ZNF385D: variants seen among roughly 807,000 people sequenced by gnomAD.
ZNF385D encodes the protein zinc finger protein 385D, also known as zinc finger protein 659.
Under a neutral mutation model 35.8 loss-of-function variants are expected in ZNF385D, and 15 were observed. That is an observed-to-expected ratio of 0.42 (90% CI 0.28 to 0.64). ZNF385D has a LOEUF of 0.64. ZNF385D is among the 30% of genes least tolerant of loss of function. The pLI, the probability that ZNF385D is intolerant of heterozygous loss-of-function variation, is 0.23. For synonymous variants in ZNF385D, 212 were observed against 186.8 expected (o/e 1.13, Z -1.10); for missense variants, 474 against 494.6 (o/e 0.96, Z 0.39).
chr3:22,104,466 C>A (rs1381083687), intron 3 of ZNF385D, among the ~76,000 whole-genome samples: 1 of 152,076 alleles, frequency 6.6e-6, no homozygotes, highest in Non-Finnish European at 1.5e-5. Flanking sequence ...TTTTTAAATC[C>A]AGCTATTTCT....
rs564306131 is a variant in ZNF385D at position 22,256,729 on chromosome 3, T to C, written c.107-87694A>G. ...CAAAATTTTCAGGTGCCATCTTTAT[T>C]ATATATGTACTCATTCTACTAATAT... On this transcript the variant is annotated intron_variant, in intron 2 of 5. Transcript: ENST00000494108. 1.6e-4 allele frequency among the ~76,000 whole-genome samples: 25 copies of C among 152,062 alleles called. No homozygotes were observed. In the East Asian group the frequency reaches 4.5e-3, roughly 27 times the overall value.
At chr3:22,174,244 C>T (rs1694667015) in intron 2 of ZNF385D, among the ~76,000 whole-genome samples, 1 of 152,150 alleles carries the variant, frequency 6.6e-6, no homozygotes, top group Non-Finnish European at 1.5e-5. Context: ...TGTTTTATCT[C>T]AACTTTAACA....
chr3:21,650,032 C>A (rs1045028202), intron 2 of ZNF385D, among the ~76,000 whole-genome samples: 1 of 150,010 alleles, frequency 6.7e-6, no homozygotes, highest in African/African-American at 2.5e-5. Flanking sequence ...GAAATGGAAA[C>A]AAACAGTGAA....
chr3:21,859,850 G>T (rs1446923029), intron 3 of ZNF385D, among the ~76,000 whole-genome samples: 2 of 151,480 alleles, frequency 1.3e-5, no homozygotes, highest in African/African-American at 4.8e-5. Flanking sequence ...AAGTGTAATT[G>T]TGTATTCAAA....
chr3:21,652,563 T>C (rs999180762), intron 2 of ZNF385D, among the ~76,000 whole-genome samples: 1 of 152,232 alleles, frequency 6.6e-6, no homozygotes, highest in Admixed American at 6.5e-5. Context: ...CATGTTGGTG[T>C]GCTACACCCA....
At chr3:21,792,553 G>C (rs866608207) in intron 3 of ZNF385D, among the ~76,000 whole-genome samples, 1 of 152,278 alleles carries the variant, frequency 6.6e-6, no homozygotes. Flanking sequence ...TTTAGAGAAA[G>C]AATCTTTACA....
chr3:22,028,435 T>A (rs2125471412), intron 3 of ZNF385D, among the ~76,000 whole-genome samples: 1 of 152,290 alleles, frequency 6.6e-6, no homozygotes, highest in Non-Finnish European at 1.5e-5. Flanking sequence ...TTATGGCCAC[T>A]GCTGGATGCC....
intron 3 of ZNF385D, among the ~76,000 whole-genome samples, chr3:21,862,646 TAGAG>T (rs1697120213): frequency 6.6e-6 from 1 of 152,102 alleles, no homozygotes; most frequent in Non-Finnish European, 1.5e-5. Flanking sequence ...CTAACTGAAT[TAGAG>T]AGAACCAATG....
intron 3 of ZNF385D, among the ~76,000 whole-genome samples, chr3:21,841,434 A>AT (rs1432653586): frequency 2.8e-5 from 4 of 143,308 alleles, no homozygotes; most frequent in Non-Finnish European, 4.7e-5. Context: ...AGAACATTTC[A>AT]TTTTAAAAAA....
At chr3:21,796,623 G>A (rs2072165046) in intron 3 of ZNF385D, among the ~76,000 whole-genome samples, 1 of 152,114 alleles carries the variant, frequency 6.6e-6, no homozygotes. Context: ...AACTAAAGGT[G>A]GATCACAGAC....
intron 2 of ZNF385D, among the ~76,000 whole-genome samples, chr3:21,614,908 G>T (rs1437186682): frequency 6.6e-6 from 1 of 152,118 alleles, no homozygotes; most frequent in Non-Finnish European, 1.5e-5. Flanking sequence ...GTTTTATCAG[G>T]TGCAGATAGG....
intron 2 of ZNF385D, among the ~76,000 whole-genome samples, chr3:22,344,639 C>T (rs1695575407): frequency 6.6e-6 from 1 of 152,048 alleles, no homozygotes; most frequent in Non-Finnish European, 1.5e-5. Flanking sequence ...TCAGGCTTGT[C>T]TCAAACTCCT....
At chr3:21,735,851 A>G (rs1476772326) in intron 1 of ZNF385D, among the ~76,000 whole-genome samples, 1 of 152,194 alleles carries the variant, frequency 6.6e-6, no homozygotes, top group Non-Finnish European at 1.5e-5. Flanking sequence ...AGTATTGTTC[A>G]TACTTTAGCA....
chr3:22,129,179 A>C (rs936761182), intron 3 of ZNF385D, among the ~76,000 whole-genome samples: 1 of 152,090 alleles, frequency 6.6e-6, no homozygotes, highest in Admixed American at 6.6e-5. Flanking sequence ...ACTTTTCCCC[A>C]AACAAACAGA....
intron 3 of ZNF385D, among the ~76,000 whole-genome samples, chr3:21,938,958 T>G (rs1393972646): frequency 7.9e-5 from 12 of 152,234 alleles, no homozygotes; most frequent in African/African-American, 2.9e-4. Flanking sequence ...AACTGTGAAG[T>G]CTTCCAGTTC....
At chr3:21,602,110 C>A (rs2064311073) in intron 2 of ZNF385D, among the ~76,000 whole-genome samples, 1 of 152,122 alleles carries the variant, frequency 6.6e-6, no homozygotes, top group African/African-American at 2.4e-5. Context: ...TGGCTGCAGG[C>A]AAGAGAGCGT....
chr3:21,512,168 G>A (rs78395604), intron 3 of ZNF385D, among the ~76,000 whole-genome samples: 3,158 of 133,776 alleles, frequency 0.024, 89 homozygotes, highest in South Asian at 0.083. Flanking sequence ...AAAAAAAGAA[G>A]TACATAGAGA....
chr3:21,904,978 G>A (rs553402767), intron 3 of ZNF385D, among the ~76,000 whole-genome samples: 8 of 151,764 alleles, frequency 5.3e-5, no homozygotes, highest in African/African-American at 1.9e-4. Context: ...TATTTTTGAT[G>A]AGTGAAAAAT....
intron 3 of ZNF385D, among the ~76,000 whole-genome samples, chr3:21,917,322 C>T (rs1218461368): frequency 6.6e-6 from 1 of 152,108 alleles, no homozygotes; most frequent in African/African-American, 2.4e-5. Flanking sequence ...ATCCCAGCTA[C>T]TCAGAAAGCC....
Sources: gnomAD v4.1 joint callset for allele counts (sites outside exome capture counted in the v4.1 genomes callset) on GRCh38, gnomAD v4.1.1 for gene constraint, MANE v1.5 for transcripts, NCBI Gene and HGNC (gene_info 2026-07-23, HGNC 2026-07-21) for gene names.